Variants in KDSR observed in about 807,000 individuals in gnomAD.
KDSR encodes the protein 3-ketodihydrosphingosine reductase, also known as 3-dehydrosphinganine reductase.
A neutral mutation model predicts 41.3 loss-of-function variants in KDSR; 23 were observed. That is an observed-to-expected ratio of 0.56 (90% CI 0.40 to 0.79). The LOEUF (loss-of-function observed/expected upper bound fraction) is 0.79. Among genes scored for constraint, KDSR ranks in the 30% least tolerant of loss-of-function variants. The pLI, the probability that KDSR is intolerant of heterozygous loss-of-function variation, is 0.00. For synonymous variants in KDSR, 138 were observed against 151.7 expected (o/e 0.91, Z 0.66); for missense variants, 351 against 416.8 (o/e 0.84, Z 1.37).
At chr18:63,362,707 G>T in intron 2 of KDSR, 72 bp downstream of exon 2, 2 of 1,019,904 alleles carry the variant, frequency 2.0e-6, no homozygotes, top group Non-Finnish European at 3.1e-6. Context: ...ATGCTAAGAT[G>T]TTTAGCACAG....
rs902538405 is a variant in KDSR, at chr18:63,362,823, A to C, written c.154T>G (p.Cys52Gly). 6.2e-7 allele frequency: 1 copy of C among 1,613,794 alleles called. No individual in the cohort carries two copies. Among genetic ancestry groups the C allele is most frequent in the African/African-American group, 1.3e-5 (1 of 74,910 alleles). Reference protein sequence around the residue: ...SGIGKCIAIECYKQGAFITLV... With the variant: ...SGIGKCIAIEGYKQGAFITLV... The stretch of plus-strand genomic sequence containing the variant: ...GTTATAAAAGCTCCTTGTTTATAGC[A>C]CTCGATAGCAATGCACTTCCCGATG... Residue 52 changes from cysteine (C) to glycine (G), a missense_variant, in exon 2 of 10, where the codon TGC becomes GGC. Transcript: ENST00000645214.
chr18:63,345,203 T>C (rs1316713682), intron 6 of KDSR: 3 of 152,314 alleles, frequency 2.0e-5, no homozygotes, highest in Non-Finnish European at 4.4e-5. Flanking sequence ...TGCATTCACA[T>C]AGGGAAAGCC....
In KDSR at chr18:63,328,051, A is replaced by G. The variant is rs560724305; in HGVS notation, c.*3731T>C. 1 of 197,064 alleles carries G rather than the reference A, an allele frequency of 5.1e-6. No individual in the cohort carries two copies. The highest frequency in any genetic ancestry group is 1.9e-4 in the South Asian group (1 of 5,218). The allele number at this position is 197,064 out of a possible 1,614,324, so 12.2% of individuals were successfully genotyped here. On this transcript the variant is annotated 3_prime_UTR_variant, in exon 10 of 10. Transcript: ENST00000645214. ...AGGTACTTTTTAAAGCTGACTTACT[A>G]AGAACTAAAAGAAATGAGAAATATA...
At chr18:63,335,847 T>C (rs1216544145) in intron 8 of KDSR, 1 of 153,110 alleles carries the variant, frequency 6.5e-6, no homozygotes, top group East Asian at 1.9e-4. Flanking sequence ...ATTCATCATT[T>C]TGTTCAATGG....
chr18:63,333,685 C>A (rs1166126868), intron 9 of KDSR, among the ~76,000 whole-genome samples: 1 of 152,160 alleles, frequency 6.6e-6, no homozygotes, highest in Non-Finnish European at 1.5e-5. Context: ...TTATATAAAA[C>A]CTAATTTTAA....
chr18:63,337,748 G>A (rs1447062885), intron 8 of KDSR, among the ~76,000 whole-genome samples: 1 of 152,126 alleles, frequency 6.6e-6, no homozygotes, highest in African/African-American at 2.4e-5. Flanking sequence ...CCAACATGGT[G>A]AAGCCCCATT....
At chr18:63,356,394 G>A (rs564447381) in intron 3 of KDSR, among the ~76,000 whole-genome samples, 130 of 147,996 alleles carry the variant, frequency 8.8e-4, no homozygotes, top group African/African-American at 3.0e-3. Context: ...GTGAGACTCC[G>A]TCTCAAAAAA....
At chr18:63,351,495 G>A (rs1468096212) in intron 5 of KDSR, among the ~76,000 whole-genome samples, 2 of 152,316 alleles carry the variant, frequency 1.3e-5, no homozygotes, top group East Asian at 3.9e-4. Flanking sequence ...GAGTAGGAGG[G>A]TGATTTAAAG....
chr18:63,361,625 A>G (rs995091625), intron 2 of KDSR, among the ~76,000 whole-genome samples: 170 of 151,764 alleles, frequency 1.1e-3, no homozygotes, highest in Middle Eastern at 3.4e-3. Flanking sequence ...GACCAGCCTG[A>G]CCAACATGGT....
intron 7 of KDSR, among the ~76,000 whole-genome samples, chr18:63,342,377 A>G (rs1268139674): frequency 6.6e-6 from 1 of 152,104 alleles, no homozygotes; most frequent in Non-Finnish European, 1.5e-5. Context: ...TGAGGTGAAG[A>G]CAAGTCCTGA....
chr18:63,337,137 T>TATATA (rs61483229), intron 8 of KDSR, among the ~76,000 whole-genome samples: 1 of 145,718 alleles, frequency 6.9e-6, no homozygotes, highest in Non-Finnish European at 1.5e-5. Context: ...TATATATATA[T>TATATA]GGAGTTTTGC....
chr18:63,338,869 T>A lies in KDSR; in HGVS notation c.708A>T (p.Arg236=). ...ACACAGATGTGGTCTCTGAAATAAG[T>A]CGAGTCTCCAAAGGCTAAAAGTGGA... The part of the protein sequence containing the change: ...EENRTKPLET[R]LISETTSVCK... Residue 236 remains arginine (R), a synonymous_variant, in exon 8 of 10, where the codon CGA becomes CGT. Transcript: ENST00000645214. 2 of 1,605,526 alleles carry A rather than the reference T, an allele frequency of 1.2e-6. No homozygotes were observed. Among genetic ancestry groups the A allele is most frequent in the Non-Finnish European group, 1.7e-6 (2 of 1,177,192 alleles).
In KDSR at chr18:63,362,982, T is replaced by C. The variant is rs1220338251; in HGVS notation, c.109-114A>G. ...AATGAATCTACAAGAACTAAATGAT[T>C]AGCTGTTGTTAACTTCTTCATCCCA... On this transcript the variant is annotated intron_variant, in intron 1 of 9. Coordinates refer to ENST00000645214, the MANE Select transcript of KDSR (RefSeq NM_002035.4). The C allele has an allele frequency of 6.0e-6, 4 of 665,180 alleles. No individual in the cohort carries two copies. The Admixed American group carries it at 8.3e-5, about 14-fold the overall frequency. The allele number at this position is 665,180 out of a possible 1,614,324, so 41.2% of individuals were successfully genotyped here. A position where few individuals can be genotyped will look rare whatever the true frequency, so the allele number is the denominator to read the frequency against.
Position 63,328,903 on chromosome 18 carries a change from G to A in KDSR, c.*2879C>T. ...AAATTCACAAAATGAGCTGTTCTTG[G>A]CTACATACAGAAGGCCAACATTTAA... On this transcript the variant is annotated 3_prime_UTR_variant, in exon 10 of 10. Coordinates refer to ENST00000645214, the MANE Select transcript of KDSR (RefSeq NM_002035.4). 1 of 190,392 alleles carries A rather than the reference G, an allele frequency of 5.3e-6. No individual in the cohort carries two copies. 11.8% of individuals were successfully genotyped at this position (190,392 alleles called of 1,614,324 possible).
intron 2 of KDSR, among the ~76,000 whole-genome samples, chr18:63,362,086 C>T (rs930327486): frequency 6.6e-6 from 1 of 152,184 alleles, no homozygotes; most frequent in South Asian, 2.1e-4. Flanking sequence ...GCATGTACTA[C>T]GTGTCAAGCA....
chr18:63,353,243 T>TTA (rs1255791988), intron 5 of KDSR, among the ~76,000 whole-genome samples: 1 of 152,038 alleles, frequency 6.6e-6, no homozygotes, highest in Non-Finnish European at 1.5e-5. Context: ...ACGCCTGTGT[T>TTA]TACTTTGGCT....
intron 4 of KDSR, 70 bp from the exon 5 acceptor site, chr18:63,355,369 GATAA>G: frequency 6.2e-7 from 1 of 1,603,866 alleles, no homozygotes; most frequent in South Asian, 1.1e-5. Flanking sequence ...AATCCATGCT[GATAA>G]ATAAAATTTA....
chr18:63,335,591 A>C, intron 8 of KDSR: 2 of 438,234 alleles, frequency 4.6e-6, no homozygotes, highest in South Asian at 3.0e-5. Flanking sequence ...TCCTAATAAC[A>C]CTAAGACATT....
intron 8 of KDSR, among the ~76,000 whole-genome samples, chr18:63,336,999 C>T (rs2187420): frequency 0.63 from 94,933 of 150,594 alleles, 31,289 homozygotes; most frequent in Admixed American, 0.73. Flanking sequence ...CCAATGCCAC[C>T]GTCCTCACTG....
Sources: allele counts gnomAD v4.1 joint callset (sites outside exome capture counted in the v4.1 genomes callset), GRCh38; gene constraint gnomAD v4.1.1; transcripts MANE v1.5; gene names NCBI Gene and HGNC (gene_info 2026-07-23, HGNC 2026-07-21).